The following HDAC9 variants were observed in gnomAD, a reference collection of about 807,000 sequenced individuals.
HDAC9 encodes histone deacetylase 9, also known as MEF-2 interacting transcription repressor (MITR) protein.
HDAC9 carries 41 observed loss-of-function variants against 139.4 expected under a neutral mutation model. That is an observed-to-expected ratio of 0.29 (90% CI 0.23 to 0.38). The LOEUF (loss-of-function observed/expected upper bound fraction) is 0.38. HDAC9 is among the 10% of genes least tolerant of loss of function. The pLI is 1.00. For missense variants in HDAC9, 1,147 were observed against 1,297.0 expected (o/e 0.88, Z 1.78); for synonymous variants, 517 against 476.2 (o/e 1.09, Z -1.12).
chr7:18,880,111 C>A (rs558772983), intron 22 of HDAC9, among the ~76,000 whole-genome samples: 13 of 152,160 alleles, frequency 8.5e-5, no homozygotes, highest in East Asian at 5.8e-4. Flanking sequence ...AATGAGATAC[C>A]ATCTCACACA....
At chr7:18,828,457 A>C (rs1239449729) in intron 17 of HDAC9, among the ~76,000 whole-genome samples, 1 of 152,192 alleles carries the variant, frequency 6.6e-6, no homozygotes, top group Non-Finnish European at 1.5e-5. Flanking sequence ...CTGGAGGTTA[A>C]GGCATTTCTT....
At chr7:18,861,700 C>T (rs1171480051) in intron 21 of HDAC9, among the ~76,000 whole-genome samples, 2 of 152,044 alleles carry the variant, frequency 1.3e-5, no homozygotes, top group Admixed American at 6.6e-5. Context: ...AAGGAAAGTC[C>T]CTCATTGCCT....
intron 12 of HDAC9, among the ~76,000 whole-genome samples, chr7:18,720,839 A>T (rs1338675745): frequency 6.6e-6 from 1 of 151,510 alleles, no homozygotes; most frequent in African/African-American, 2.4e-5. Context: ...ACGCCAACTA[A>T]TTTTTTTGTT....
chr7:18,732,735 A>T lies in HDAC9; in HGVS notation c.1909+4978A>T, dbSNP rs536041028. Among the ~76,000 whole-genome samples the T allele has an allele frequency of 6.3e-5, 6 of 94,556 alleles. 1 individual carries two copies. Among genetic ancestry groups the T allele is most frequent in the Admixed American group, 1.9e-4 (2 of 10,422 alleles). 62.0% of individuals were successfully genotyped at this position (94,556 alleles called of 152,430 possible). Reference sequence around the variant, plus strand: ...CGTATGTGTACACACACACACGTGTATGTGTGCGTATGTGTACACACACGT... The same window carrying T: ...CGTATGTGTACACACACACACGTGTTTGTGTGCGTATGTGTACACACACGT... On this transcript the variant is annotated intron_variant, in intron 13 of 25. Transcript: ENST00000686413.
chr7:18,500,258 ATGATTTTAATT>A (rs994521813), intron 2 of HDAC9, among the ~76,000 whole-genome samples: 3 of 152,182 alleles, frequency 2.0e-5, no homozygotes, highest in Non-Finnish European at 4.4e-5. Context: ...ATTCTAAATG[ATGATTTTAATT>A]TTGGAGATGA....
upstream of HDAC9, among the ~76,000 whole-genome samples, chr7:18,492,919 C>G (rs1255977105): frequency 2.6e-5 from 4 of 151,842 alleles, no homozygotes; most frequent in Non-Finnish European, 4.4e-5. Flanking sequence ...TCTTTTCACT[C>G]TAAAATATTT....
chr7:18,822,764 C>T (rs1458704829), intron 17 of HDAC9, among the ~76,000 whole-genome samples: 1 of 152,182 alleles, frequency 6.6e-6, no homozygotes, highest in African/African-American at 2.4e-5. Flanking sequence ...CCAGCACTGT[C>T]ACTTGCTAGA....
intron 1 of HDAC9, among the ~76,000 whole-genome samples, chr7:18,110,002 A>G (rs1356918614): frequency 6.6e-6 from 1 of 152,126 alleles, no homozygotes; most frequent in East Asian, 1.9e-4. Context: ...GCTCAGAATG[A>G]TGTTTTTTTG....
intron 1 of HDAC9, among the ~76,000 whole-genome samples, chr7:18,343,247 C>G (rs1042559972): frequency 4.6e-5 from 7 of 151,668 alleles, no homozygotes; most frequent in Non-Finnish European, 7.4e-5. Context: ...AAACTACCCA[C>G]TGGAACACAT....
At chr7:18,817,310 A>T (rs1256426753) in intron 17 of HDAC9, among the ~76,000 whole-genome samples, 1 of 152,168 alleles carries the variant, frequency 6.6e-6, no homozygotes, top group Admixed American at 6.5e-5. Flanking sequence ...CTGGGTTTAC[A>T]GGCGTGAGCC....
At chr7:18,692,033 T>G (rs951401372) in intron 12 of HDAC9, among the ~76,000 whole-genome samples, 1 of 152,066 alleles carries the variant, frequency 6.6e-6, no homozygotes, top group African/African-American at 2.4e-5. Context: ...ATGGAGTTAA[T>G]AATACCTGTC....
chr7:18,475,748 A>G (rs901799099), intron 1 of HDAC9, among the ~76,000 whole-genome samples: 1 of 152,164 alleles, frequency 6.6e-6, no homozygotes, highest in African/African-American at 2.4e-5. Flanking sequence ...CTGCAGGGAA[A>G]TTTTCTTCTG....
chr7:18,841,357 G>A (rs1054308018), intron 21 of HDAC9, among the ~76,000 whole-genome samples: 15 of 151,896 alleles, frequency 9.9e-5, no homozygotes, highest in Non-Finnish European at 1.6e-4. Context: ...CATGATAAGT[G>A]AATGTAGAAT....
At chr7:18,476,928 G>T (rs540588819) in intron 1 of HDAC9, among the ~76,000 whole-genome samples, 1 of 152,236 alleles carries the variant, frequency 6.6e-6, no homozygotes, top group Admixed American at 6.5e-5. Flanking sequence ...GAGGTCTCAT[G>T]TTCCATGCCA....
At chr7:18,690,697 G>A (rs1226348326) in intron 12 of HDAC9, among the ~76,000 whole-genome samples, 2 of 151,944 alleles carry the variant, frequency 1.3e-5, no homozygotes, top group East Asian at 1.9e-4. Flanking sequence ...GAAAAGAGAA[G>A]TCTAATTATT....
intron 22 of HDAC9, among the ~76,000 whole-genome samples, chr7:18,893,131 A>C (rs1417809003): frequency 6.6e-6 from 1 of 151,770 alleles, no homozygotes; most frequent in East Asian, 1.9e-4. Context: ...TCATATCTAG[A>C]GCTCTCTCAC....
At chr7:18,288,220 A>T (rs1437495123), upstream of HDAC9, among the ~76,000 whole-genome samples, 2 of 152,244 alleles carry the variant, frequency 1.3e-5, no homozygotes, top group Non-Finnish European at 2.9e-5. Context: ...CAAAAAGCAA[A>T]ATTAACACTC....
chr7:18,993,638 A>T (rs1290511920), intron 25 of HDAC9, among the ~76,000 whole-genome samples: 2 of 96,158 alleles, frequency 2.1e-5, no homozygotes, highest in Non-Finnish European at 3.7e-5. Flanking sequence ...CCCATCTATA[A>T]TTATTTTTTT....
intron 13 of HDAC9, among the ~76,000 whole-genome samples, chr7:18,733,914 GA>G (rs1208015035): frequency 2.0e-5 from 3 of 151,972 alleles, no homozygotes; most frequent in African/African-American, 7.3e-5. Context: ...TTCTTTTCTG[GA>G]GATAAGACAT....
Sources: gnomAD v4.1 joint callset for allele counts (sites outside exome capture counted in the v4.1 genomes callset) on GRCh38, gnomAD v4.1.1 for gene constraint, MANE v1.5 for transcripts, NCBI Gene and HGNC (gene_info 2026-07-23, HGNC 2026-07-21) for gene names.